Variants in ALMS1 observed in about 807,000 individuals in gnomAD.
The protein encoded by ALMS1 is ALMS1 centrosome and basal body associated protein.
In ALMS1, 271 loss-of-function variants were observed where a neutral mutation model predicts 352.2. That is an observed-to-expected ratio of 0.77 (90% confidence interval 0.70 to 0.85). The LOEUF (loss-of-function observed/expected upper bound fraction) is 0.85, where lower values mean the gene tolerates loss of function less well. ALMS1 is among the 40% of genes least tolerant of loss of function. ALMS1 has a pLI of 0.00. For missense variants in ALMS1, 5,445 were observed against 4,870.7 expected (o/e 1.12, Z -3.51); for synonymous variants, 1,865 against 1,761.2 (o/e 1.06, Z -1.48).
At chr2:73,502,372 CCTTCCTTTG>C (rs998619774) in intron 10 of ALMS1, among the ~76,000 whole-genome samples, 27 of 152,114 alleles carry the variant, frequency 1.8e-4, no homozygotes, top group African/African-American at 6.0e-4. Flanking sequence ...CAGTTTTACT[CCTTCCTTTG>C]CAGTTCTCAT....
chr2:73,567,214 T>G (rs1455089166), intron 15 of ALMS1, among the ~76,000 whole-genome samples: 1 of 152,206 alleles, frequency 6.6e-6, no homozygotes, highest in African/African-American at 2.4e-5. Flanking sequence ...GTTCCCTTGG[T>G]AAACAGGCCC....
At chr2:73,574,947 G>A (rs1302224721) in intron 16 of ALMS1, among the ~76,000 whole-genome samples, 1 of 151,900 alleles carries the variant, frequency 6.6e-6, no homozygotes, top group Non-Finnish European at 1.5e-5. Context: ...ACCAGCCCCC[G>A]GCAACCAGTA....
intron 16 of ALMS1, among the ~76,000 whole-genome samples, chr2:73,596,278 A>T (rs969270070): frequency 2.6e-5 from 4 of 152,104 alleles, no homozygotes; most frequent in Admixed American, 1.3e-4. Context: ...TTTTTAGTGC[A>T]TTTTTTGTGT....
chr2:73,447,520 G>A (rs188273421), intron 7 of ALMS1, among the ~76,000 whole-genome samples: 3 of 152,122 alleles, frequency 2.0e-5, no homozygotes, highest in Admixed American at 1.3e-4. Context: ...GGAGGAACCC[G>A]TGAAAATAAG....
intron 1 of ALMS1, among the ~76,000 whole-genome samples, chr2:73,388,493 A>G (rs147332604): frequency 0.023 from 3,427 of 152,154 alleles, 130 homozygotes; most frequent in Admixed American, 0.09. Flanking sequence ...GTCTGTGGGT[A>G]CTTATTGTAC....
rs1394141577 is a variant in ALMS1, at chr2:73,452,163, C to G, written c.5636C>G (p.Pro1879Arg). Residue 1879 changes from proline to arginine, a missense_variant, in exon 8 of 23, where the codon CCT (proline) becomes CGT (arginine). Physicochemically the swap from Pro to Arg is moderately radical, Grantham distance 103. Transcript: ENST00000613296. ...TEVTLKAIGV[P>R]GPADQKTGIQ... ...GTAACTTTGAAAGCAATAGGGGTTC[C>G]TGGGCCTGCTGACCAGAAGACTGGG... 1.2e-6 allele frequency: 2 copies of G among 1,609,114 alleles called. No homozygotes were observed. The highest frequency in any genetic ancestry group is 3.4e-5 in the Admixed American group (2 of 59,410).
intron 15 of ALMS1, among the ~76,000 whole-genome samples, chr2:73,563,991 A>T (rs900981447): frequency 1.3e-5 from 2 of 151,988 alleles, no homozygotes; most frequent in East Asian, 3.9e-4. Flanking sequence ...GTGAAGTTTA[A>T]AAACACCTGG....
intron 12 of ALMS1, among the ~76,000 whole-genome samples, chr2:73,542,441 T>G (rs1257537681): frequency 6.6e-6 from 1 of 152,092 alleles, no homozygotes; most frequent in Non-Finnish European, 1.5e-5. Flanking sequence ...CTGGAAGCAT[T>G]GAAAACTGGC....
intron 12 of ALMS1, among the ~76,000 whole-genome samples, chr2:73,549,927 T>C (rs1312237617): frequency 6.6e-6 from 1 of 152,202 alleles, no homozygotes; most frequent in Non-Finnish European, 1.5e-5. Context: ...TGGCAACATC[T>C]CTGCTCACTG....
At chr2:73,563,566 C>CA (rs1674710230) in intron 15 of ALMS1, among the ~76,000 whole-genome samples, 3 of 151,014 alleles carry the variant, frequency 2.0e-5, no homozygotes, top group South Asian at 4.2e-4. Context: ...ACTAAAAATA[C>CA]AAAAAAATTA....
intron 1 of ALMS1, among the ~76,000 whole-genome samples, chr2:73,404,928 T>TTTTTTA (rs1670943651): frequency 7.4e-6 from 1 of 135,458 alleles, no homozygotes; most frequent in African/African-American, 3.0e-5. Context: ...TTTTTTTTTT[T>TTTTTTA]TGAGACAGGG....
At chr2:73,586,671 C>T (rs1675320333) in intron 16 of ALMS1, among the ~76,000 whole-genome samples, 1 of 152,222 alleles carries the variant, frequency 6.6e-6, no homozygotes, top group Non-Finnish European at 1.5e-5. Context: ...AGTTTGAAGT[C>T]AGGTAATAAG....
chr2:73,556,779 T>C (rs1475928678), intron 13 of ALMS1, among the ~76,000 whole-genome samples: 1 of 152,074 alleles, frequency 6.6e-6, no homozygotes, highest in Non-Finnish European at 1.5e-5. Context: ...CTCAGCTCAC[T>C]GCAGCCTCCA....
chr2:73,490,802 C>T lies in ALMS1; in HGVS notation c.8843C>T (p.Pro2948Leu). 1 of 1,613,986 alleles carries T rather than the reference C, an allele frequency of 6.2e-7. No individual in the cohort carries two copies. The highest frequency in any genetic ancestry group is 8.5e-7 in the Non-Finnish European group (1 of 1,180,000). The stretch of plus-strand genomic sequence containing the variant: ...CATCAAATGAGAGAAAACCATTCTC[C>T]CCTTCCTCAAGGTCAGGATTCTATA... ...VDHQMRENHS[P>L]LPQGQDSIAS... Residue 2948 changes from proline to leucine, a missense_variant, in exon 10 of 23, where the codon CCC (proline) becomes CTC (leucine). Physicochemically the swap from Pro to Leu is moderately conservative, Grantham distance 98 (BLOSUM62 -3). Coordinates refer to ENST00000613296, the MANE Select transcript of ALMS1 (RefSeq NM_001378454.1).
In ALMS1 at chr2:73,573,302, T is replaced by C. The variant is rs771027116; in HGVS notation, c.11425T>C (p.Tyr3809His). The C allele has an allele frequency of 1.9e-6, 3 of 1,614,128 alleles. No homozygotes were observed. The highest frequency in any genetic ancestry group is 1.1e-5 in the South Asian group (1 of 91,078). The part of the protein sequence containing the change: ...VCLSPRRIKL[Y>H]SSITNQQRRY... ...CTTGTCACCCAGACGAATTAAATTA[T>C]ATAGCAGCATCACCAACCAACAGAG... is the stretch of plus-strand genomic sequence containing the variant. The change falls in exon 16 of 23, where the codon TAT becomes CAT. Residue 3809 changes from tyrosine (Y) to histidine (H), a missense_variant. Coordinates refer to ENST00000613296, the MANE Select transcript of ALMS1 (RefSeq NM_001378454.1).
At chr2:73,404,257 T>C (rs1323380808) in intron 1 of ALMS1, among the ~76,000 whole-genome samples, 2 of 152,166 alleles carry the variant, frequency 1.3e-5, no homozygotes, top group African/African-American at 2.4e-5. Context: ...TAGGACTTTT[T>C]CCTTTCAATT....
intron 15 of ALMS1, among the ~76,000 whole-genome samples, chr2:73,568,808 T>C (rs1033477533): frequency 3.3e-5 from 5 of 152,012 alleles, no homozygotes; most frequent in African/African-American, 1.2e-4. Flanking sequence ...CTTTTATATA[T>C]TCGGGGAGAA....
intron 1 of ALMS1, among the ~76,000 whole-genome samples, chr2:73,400,514 G>A (rs1349081699): frequency 6.6e-6 from 1 of 152,146 alleles, no homozygotes; most frequent in Admixed American, 6.5e-5. Context: ...TAGAGAACTG[G>A]TACAATTTCC....
intron 15 of ALMS1, among the ~76,000 whole-genome samples, chr2:73,569,265 T>A (rs569274242): frequency 6.6e-6 from 1 of 151,994 alleles, no homozygotes; most frequent in Non-Finnish European, 1.5e-5. Flanking sequence ...GCCACCCCCA[T>A]TGGCCTTCCA....
Sources: allele counts gnomAD v4.1 joint callset (sites outside exome capture counted in the v4.1 genomes callset), GRCh38; gene constraint gnomAD v4.1.1; transcripts MANE v1.5; gene names NCBI Gene and HGNC (gene_info 2026-07-23, HGNC 2026-07-21).